ARRB1: variants seen among roughly 807,000 people sequenced by gnomAD.
The protein encoded by ARRB1 is arrestin beta 1.
ARRB1 carries 21 observed loss-of-function variants against 56.8 expected under a neutral mutation model. The ratio of observed to expected loss-of-function variants is 0.37; its 90% CI spans 0.26 to 0.53. The LOEUF (loss-of-function observed/expected upper bound fraction) is 0.53, where lower values mean the gene tolerates loss of function less well. ARRB1 is among the 20% of genes least tolerant of loss of function. The pLI, the probability that ARRB1 is intolerant of heterozygous loss-of-function variation, is 0.88. For synonymous variants in ARRB1, 210 were observed against 218.6 expected (o/e 0.96, Z 0.35); for missense variants, 424 against 553.7 (o/e 0.77, Z 2.35).
intron 7 of ARRB1, 150 bp from the exon 8 acceptor site, chr11:75,278,894 GT>G: frequency 4.4e-6 from 5 of 1,144,708 alleles, no homozygotes; most frequent in South Asian, 1.6e-5. Flanking sequence ...CAGCATAGGG[GT>G]CTGTCACCAT....
rs1296189925 is a variant in ARRB1 at position 75,281,070 on chromosome 11, C to T, written c.482+5G>A. ...AGGCGGCCCACACCCTGGCATCCTA[C>T]TCACCGCTTGTGGATCTTCTCCTCC... On this transcript the variant is annotated splice_donor_5th_base_variant and intron_variant, in intron 7 of 15. Transcript: ENST00000420843. 11 of 1,600,208 alleles carry T rather than the reference C, an allele frequency of 6.9e-6. No homozygotes were observed. Among genetic ancestry groups the T allele is most frequent in the Non-Finnish European group, 9.4e-6 (11 of 1,172,800 alleles).
In ARRB1 at chr11:75,281,233, A is replaced by G. The variant is rs1369339336; in HGVS notation, c.415-91T>C. The G allele has an allele frequency of 4.8e-6, 6 of 1,241,564 alleles. No individual in the cohort carries two copies. The African/African-American group carries it at 9.0e-5, about 19-fold the overall frequency. The allele number at this position is 1,241,564 out of a possible 1,614,324, so 76.9% of individuals were successfully genotyped here. A position where few individuals can be genotyped will look rare whatever the true frequency, so the allele number is the denominator to read the frequency against. The stretch of plus-strand genomic sequence containing the variant: ...CACCTCTCATTTTACAAACGAGGAC[A>G]CTGGACAGGAACACCAAGCTCCCAC... On this transcript the variant is annotated intron_variant, in intron 6 of 15. Coordinates refer to ENST00000420843, the MANE Select transcript of ARRB1 (RefSeq NM_004041.5).
intron 10 of ARRB1, 123 bp from the exon 11 acceptor site, chr11:75,274,334 C>T (rs914007245): frequency 8.5e-6 from 12 of 1,414,492 alleles, no homozygotes; most frequent in South Asian, 1.3e-5. Flanking sequence ...AACCTCTGTC[C>T]CCCAGACACA....
At position 75,287,327 on chromosome 11, in the gene ARRB1, C is replaced by T. The variant is rs908406057; in HGVS notation, c.100G>A (p.Val34Met). ...TCCAGGGACTCACCCACAGGGTCCA[C>T]GAGGTCGATGTGGTCCACAAAGTCC... ...KRDFVDHIDL[V>M]DPVDGVVLVD... is the part of the protein sequence containing the mutation. Residue 34 changes from valine to methionine, a missense_variant, in exon 3 of 16, where the codon GTG becomes ATG. By Grantham distance (21) the Val-to-Met change is conservative (BLOSUM62 1). This residue lies in a region of ARRB1 where 301 missense variants were observed against 387.9 expected (regional missense o/e 0.78). Coordinates refer to ENST00000420843, the MANE Select transcript of ARRB1 (RefSeq NM_004041.5). 7 of 1,556,952 alleles carry T rather than the reference C, an allele frequency of 4.5e-6. No homozygotes were observed. Among genetic ancestry groups the T allele is most frequent in the East Asian group, 2.4e-5 (1 of 41,366 alleles).
Position 75,266,087 on chromosome 11 carries a change from G to C in ARRB1, c.*76C>G. The C allele has an allele frequency of 1.5e-6, 2 of 1,298,806 alleles. No individual in the cohort carries two copies. Among genetic ancestry groups the C allele is most frequent in the Non-Finnish European group, 2.2e-6 (2 of 897,492 alleles). 80.5% of individuals were successfully genotyped at this position (1,298,806 alleles called of 1,614,324 possible). On this transcript the variant is annotated 3_prime_UTR_variant, in exon 16 of 16. Coordinates refer to ENST00000420843, the MANE Select transcript of ARRB1 (RefSeq NM_004041.5). ...GAAGAACAAAGGGGAAAAGAAACCA[G>C]AACAGGAAGAAGACGAGTAAGCATC...
chr11:75,330,350 C>G (rs1181560064), intron 1 of ARRB1, among the ~76,000 whole-genome samples: 2 of 152,192 alleles, frequency 1.3e-5, no homozygotes, highest in East Asian at 3.8e-4. Flanking sequence ...TGAAGGAAAG[C>G]TGTTTCTCCC....
rs372042559 is a variant in ARRB1, at chr11:75,289,389, C to G, written c.51+620G>C. Reference sequence around the variant, plus strand: ...CTGGGTCCTGCAGCCCCAATGGCCCCGTATCTCCCCTCTGCCACTTCATGT... The same window carrying G: ...CTGGGTCCTGCAGCCCCAATGGCCCGGTATCTCCCCTCTGCCACTTCATGT... On this transcript the variant is annotated intron_variant, in intron 2 of 15. Transcript: ENST00000420843. 3.2e-4 allele frequency among the ~76,000 whole-genome samples: 49 copies of G among 152,364 alleles called. No individual in the cohort carries two copies. In the South Asian group the frequency reaches 9.1e-3, roughly 28 times the overall value.
chr11:75,342,740 C>A (rs997697470), intron 1 of ARRB1, among the ~76,000 whole-genome samples: 1 of 152,128 alleles, frequency 6.6e-6, no homozygotes, highest in African/African-American at 2.4e-5. Context: ...AGAATGGCTC[C>A]GTGGCCGGGG....
At chr11:75,350,739 A>AGG (rs1947835805) in intron 1 of ARRB1, among the ~76,000 whole-genome samples, 3 of 152,200 alleles carry the variant, frequency 2.0e-5, no homozygotes, top group African/African-American at 7.2e-5. Flanking sequence ...AACAGAGTAG[A>AGG]TGGATGGGAT....
At chr11:75,334,462 C>T (rs943942854) in intron 1 of ARRB1, among the ~76,000 whole-genome samples, 3 of 152,172 alleles carry the variant, frequency 2.0e-5, no homozygotes, top group Non-Finnish European at 2.9e-5. Context: ...AGGCCTGGCA[C>T]ACAGCAGGTT....
chr11:75,308,628 C>T (rs1370266939), intron 1 of ARRB1, among the ~76,000 whole-genome samples: 5 of 152,048 alleles, frequency 3.3e-5, no homozygotes, highest in Admixed American at 2.0e-4. Context: ...ACCTATAATG[C>T]CAGCTATTCG....
intron 8 of ARRB1, among the ~76,000 whole-genome samples, chr11:75,278,377 T>G (rs986005683): frequency 6.6e-6 from 1 of 152,204 alleles, no homozygotes; most frequent in Non-Finnish European, 1.5e-5. Context: ...GCTCCTCACT[T>G]CGGAAGTCCA....
rs761395394 is a variant in ARRB1 at position 75,283,407 on chromosome 11, G to A, written c.234C>T (p.Asp78=). ...LDVLGLTFRK[D]LFVANVQSFP... ...ACGACTGTACGTTGGCCACAAACAGGTCCTTGCGAAAGGTCAGGCCCAGGA... is the reference window on the plus strand; with the variant it reads ...ACGACTGTACGTTGGCCACAAACAGATCCTTGCGAAAGGTCAGGCCCAGGA... Residue 78 remains aspartate, a synonymous_variant, in exon 5 of 16, where the codon GAC becomes GAT. Coordinates refer to ENST00000420843, the MANE Select transcript of ARRB1 (RefSeq NM_004041.5). 2 of 1,614,172 alleles carry A rather than the reference G, an allele frequency of 1.2e-6. No homozygotes were observed. The highest frequency in any genetic ancestry group is 1.7e-6 in the Non-Finnish European group (2 of 1,179,990).
intron 1 of ARRB1, among the ~76,000 whole-genome samples, chr11:75,327,653 ATC>A (rs1000671083): frequency 8.0e-4 from 117 of 146,846 alleles, no homozygotes; most frequent in African/African-American, 3.0e-3. Flanking sequence ...CAGTGGCGTG[ATC>A]TCGGCTTACT....
chr11:75,308,292 T>C (rs1374276451), intron 1 of ARRB1, among the ~76,000 whole-genome samples: 8 of 152,164 alleles, frequency 5.3e-5, no homozygotes, highest in Non-Finnish European at 1.2e-4. Context: ...CTCAGGCCAC[T>C]GAGTAGAGCC....
intron 1 of ARRB1, chr11:75,303,768 C>A (rs1404427489): frequency 2.2e-6 from 1 of 449,860 alleles, no homozygotes; most frequent in Non-Finnish European, 4.5e-6. Flanking sequence ...CCACCAGGCA[C>A]CCAGCACACA....
At chr11:75,297,104 C>T (rs1946767955) in intron 1 of ARRB1, among the ~76,000 whole-genome samples, 1 of 151,764 alleles carries the variant, frequency 6.6e-6, no homozygotes, top group Admixed American at 6.6e-5. Flanking sequence ...CAATAAATAC[C>T]CAAAAGAAAT....
At chr11:75,329,116 C>G (rs949159585) in intron 1 of ARRB1, among the ~76,000 whole-genome samples, 2 of 113,476 alleles carry the variant, frequency 1.8e-5, no homozygotes, top group African/African-American at 6.9e-5. Flanking sequence ...TTTTTTGAGA[C>G]AAGTTCTTGC....
intron 1 of ARRB1, among the ~76,000 whole-genome samples, chr11:75,347,210 G>T (rs1591996955): frequency 6.6e-6 from 1 of 152,212 alleles, no homozygotes; most frequent in Admixed American, 6.5e-5. Context: ...CCCAGAGGCC[G>T]GCCTGGAATC....
Sources: allele counts gnomAD v4.1 joint callset (sites outside exome capture counted in the v4.1 genomes callset), GRCh38; gene constraint gnomAD v4.1.1; regional missense constraint gnomAD v4.1.1; transcripts MANE v1.5; gene names NCBI Gene and HGNC (gene_info 2026-07-23, HGNC 2026-07-21).